Variants in ARHGAP24 observed in about 807,000 individuals in gnomAD.
ARHGAP24 encodes rho GTPase-activating protein 24.
ARHGAP24 carries 50 observed loss-of-function variants against 76.4 expected under a neutral mutation model. The ratio of observed to expected loss-of-function variants is 0.65; its 90% CI spans 0.52 to 0.83. The LOEUF is 0.83. Ranked by LOEUF, ARHGAP24 falls within the 40% of genes least tolerant of loss-of-function variation. ARHGAP24 has a pLI of 0.00. For synonymous variants in ARHGAP24, 345 were observed against 323.3 expected, an observed-to-expected ratio of 1.07 and a Z score of -0.72; for missense variants, 930 against 914.2, an observed-to-expected ratio of 1.02 and a Z score of -0.22.
At chr4:85,724,122 G>A (rs1725064251) in intron 3 of ARHGAP24, among the ~76,000 whole-genome samples, 1 of 152,170 alleles carries the variant, frequency 6.6e-6, no homozygotes, top group Non-Finnish European at 1.5e-5. Flanking sequence ...CCCTCGGCAG[G>A]CCGTGGGCCT....
At chr4:85,719,383 GA>G (rs1442882037) in intron 2 of ARHGAP24, among the ~76,000 whole-genome samples, 1 of 152,120 alleles carries the variant, frequency 6.6e-6, no homozygotes, top group Non-Finnish European at 1.5e-5. Flanking sequence ...GGCATGGGGG[GA>G]GAGGAATACT....
intron 3 of ARHGAP24, among the ~76,000 whole-genome samples, chr4:85,881,006 G>C (rs2148768245): frequency 6.6e-6 from 1 of 152,178 alleles, no homozygotes; most frequent in East Asian, 1.9e-4. Context: ...AAAGATTTAT[G>C]GCTTCTTTTT....
At chr4:85,503,601 C>T (rs921649728) in intron 1 of ARHGAP24, among the ~76,000 whole-genome samples, 1 of 151,742 alleles carries the variant, frequency 6.6e-6, no homozygotes, top group African/African-American at 2.4e-5. Context: ...TTTGATTCTT[C>T]TCTCTTTTCT....
intron 3 of ARHGAP24, among the ~76,000 whole-genome samples, chr4:85,740,013 C>T (rs1052160464): frequency 2.6e-5 from 4 of 152,118 alleles, no homozygotes; most frequent in African/African-American, 9.7e-5. Flanking sequence ...ACATAGTTCA[C>T]GAATGTCCAC....
intron 1 of ARHGAP24, among the ~76,000 whole-genome samples, chr4:85,519,193 T>C (rs570412905): frequency 9.1e-4 from 138 of 152,318 alleles, no homozygotes; most frequent in African/African-American, 3.2e-3. Flanking sequence ...TTGATTACAA[T>C]GACCTTGGGA....
chr4:85,922,157 G>A (rs370284393), intron 3 of ARHGAP24, among the ~76,000 whole-genome samples: 1 of 152,130 alleles, frequency 6.6e-6, no homozygotes, highest in African/African-American at 2.4e-5. Context: ...TTCCCATTTA[G>A]TTGTATTAAA....
chr4:85,665,016 G>A (rs969349920), intron 2 of ARHGAP24, among the ~76,000 whole-genome samples: 3 of 152,098 alleles, frequency 2.0e-5, no homozygotes, highest in Non-Finnish European at 2.9e-5. Context: ...GAGTTCTGTC[G>A]ATGTCTATTA....
At chr4:85,848,684 C>T (rs754891570) in intron 3 of ARHGAP24, among the ~76,000 whole-genome samples, 16 of 152,126 alleles carry the variant, frequency 1.1e-4, no homozygotes, top group East Asian at 3.9e-4. Flanking sequence ...GTTTGCACAA[C>T]GCCATTTATT....
At chr4:85,821,696 T>C (rs1729479818) in intron 3 of ARHGAP24, among the ~76,000 whole-genome samples, 1 of 152,198 alleles carries the variant, frequency 6.6e-6, no homozygotes, top group Non-Finnish European at 1.5e-5. Context: ...ATTATTTTTA[T>C]ATGAAGGCAT....
chr4:85,647,895 A>T (rs1721781510), intron 2 of ARHGAP24, among the ~76,000 whole-genome samples: 1 of 152,078 alleles, frequency 6.6e-6, no homozygotes. Flanking sequence ...CATTTTACTT[A>T]TTCATTTTGT....
chr4:85,677,640 C>T (rs1483052048), intron 2 of ARHGAP24, among the ~76,000 whole-genome samples: 3 of 152,078 alleles, frequency 2.0e-5, no homozygotes, highest in Non-Finnish European at 2.9e-5. Flanking sequence ...GAATAAAGTC[C>T]AGGTTTGCTG....
intron 2 of ARHGAP24, among the ~76,000 whole-genome samples, chr4:85,621,152 C>G (rs887481771): frequency 3.3e-5 from 5 of 152,010 alleles, no homozygotes; most frequent in African/African-American, 4.8e-5. Context: ...TGTCTATATA[C>G]CACATATTCT....
At chr4:85,884,314 A>T (rs926775228) in intron 3 of ARHGAP24, among the ~76,000 whole-genome samples, 1 of 152,152 alleles carries the variant, frequency 6.6e-6, no homozygotes, top group African/African-American at 2.4e-5. Context: ...TAATGAGGGG[A>T]AGAAACTTTT....
At chr4:85,544,146 T>C (rs1262336658) in intron 1 of ARHGAP24, among the ~76,000 whole-genome samples, 1 of 152,226 alleles carries the variant, frequency 6.6e-6, no homozygotes, top group Non-Finnish European at 1.5e-5. Context: ...CACCTGTCAG[T>C]ACTACTGCCA....
chr4:85,932,080 C>A (rs1313769875), intron 4 of ARHGAP24, among the ~76,000 whole-genome samples: 2 of 152,064 alleles, frequency 1.3e-5, no homozygotes, highest in African/African-American at 2.4e-5. Context: ...CTTTCCTTTG[C>A]GTAGCTAAGA....
At chr4:85,755,853 G>A (rs1360651444) in intron 3 of ARHGAP24, among the ~76,000 whole-genome samples, 2 of 151,776 alleles carry the variant, frequency 1.3e-5, no homozygotes, top group Admixed American at 6.6e-5. Context: ...GGCTGGTCTC[G>A]AACTCCTGAC....
chr4:85,747,091 A>G (rs1726069791), intron 3 of ARHGAP24, among the ~76,000 whole-genome samples: 1 of 152,184 alleles, frequency 6.6e-6, no homozygotes, highest in African/African-American at 2.4e-5. Context: ...TTTTAAAACC[A>G]TTATAAACAG....
intron 5 of ARHGAP24, among the ~76,000 whole-genome samples, chr4:85,943,727 G>C (rs1737084412): frequency 6.6e-6 from 1 of 151,986 alleles, no homozygotes. Context: ...TTTTGTTCCT[G>C]TGTTAGTTTG....
intron 1 of ARHGAP24, among the ~76,000 whole-genome samples, chr4:85,522,093 G>C (rs1724794972): frequency 1.3e-5 from 2 of 152,026 alleles, no homozygotes; most frequent in South Asian, 4.1e-4. Context: ...AGAAAAATGA[G>C]GCTTTCAGTA....
Sources: gnomAD v4.1 joint callset for allele counts (sites outside exome capture counted in the v4.1 genomes callset) on GRCh38, gnomAD v4.1.1 for gene constraint, MANE v1.5 for transcripts, NCBI Gene and HGNC (gene_info 2026-07-23, HGNC 2026-07-21) for gene names.